The following PDS5A variants were observed in gnomAD, a reference collection of about 807,000 sequenced individuals.
PDS5A encodes sister chromatid cohesion protein PDS5 homolog A.
A neutral mutation model predicts 167.1 loss-of-function variants in PDS5A; 42 were observed. The ratio of observed to expected loss-of-function variants is 0.25; its 90% CI spans 0.20 to 0.33. The LOEUF is 0.33. Among genes scored for constraint, PDS5A ranks in the 10% least tolerant of loss-of-function variants. The pLI is 1.00. For missense variants in PDS5A, 1,033 were observed against 1,605.9 expected, an observed-to-expected ratio of 0.64 and a Z score of 6.10; for synonymous variants, 553 against 554.6, an observed-to-expected ratio of 1.00 and a Z score of 0.04.
rs1203614136 is a variant in PDS5A at position 39,823,136 on chromosome 4, A to G, written c.*2349T>C. On this transcript the variant is annotated 3_prime_UTR_variant, in exon 33 of 33. Coordinates refer to ENST00000303538, the MANE Select transcript of PDS5A (RefSeq NM_001100399.2). ...ACAAAGGGTTAACATTAATTCTCAA[A>G]TATAAGTCTGCACTTTTGTGTTGTA... 1.3e-5 allele frequency: 2 copies of G among 152,624 alleles called. 1 individual carries two copies. Among genetic ancestry groups the G allele is most frequent in the Non-Finnish European group, 2.9e-5 (2 of 68,052 alleles). 9.5% of individuals were successfully genotyped at this position (152,624 alleles called of 1,614,324 possible).
At chr4:39,927,833 A>G (rs1725603264) in intron 3 of PDS5A, 128 bp downstream of exon 3, 1 of 671,646 alleles carries the variant, frequency 1.5e-6, no homozygotes, top group Non-Finnish European at 2.5e-6. Flanking sequence ...TGCAACTTAC[A>G]ATATATTCTT....
intron 2 of PDS5A, among the ~76,000 whole-genome samples, chr4:39,931,335 TATGTAACA>T (rs922185371): frequency 3.3e-5 from 5 of 152,092 alleles, no homozygotes; most frequent in African/African-American, 1.2e-4. Context: ...TAATTATTGC[TATGTAACA>T]AAATACCCCA....
At chr4:39,901,976 T>C (rs1432652621) in intron 13 of PDS5A, among the ~76,000 whole-genome samples, 1 of 152,216 alleles carries the variant, frequency 6.6e-6, no homozygotes, top group African/African-American at 2.4e-5. Context: ...ATTAATCATA[T>C]GGCCATCTTA....
chr4:39,842,906 T>TA (rs1491449604), intron 30 of PDS5A, among the ~76,000 whole-genome samples: 6,687 of 76,262 alleles, frequency 0.088, 393 homozygotes, highest in South Asian at 0.15. Context: ...ACTTATCCTA[T>TA]TTTTATATAT....
intron 16 of PDS5A, among the ~76,000 whole-genome samples, chr4:39,896,079 G>T (rs557314581): frequency 1.4e-5 from 2 of 144,610 alleles, no homozygotes; most frequent in South Asian, 4.4e-4. Flanking sequence ...ATCTTGTTCT[G>T]TCACCCAGGC....
intron 2 of PDS5A, among the ~76,000 whole-genome samples, chr4:39,930,246 A>AAAAAAAAAAAAAAGTTTTTT: frequency 2.1e-5 from 2 of 93,090 alleles, no homozygotes; most frequent in Non-Finnish European, 4.5e-5. Flanking sequence ...AAAAAAAAAA[A>AAAAAAAAAAAAAAGTTTTTT]GTTTTTTTGT....
At chr4:39,921,801 T>C (rs1273615059) in intron 6 of PDS5A, among the ~76,000 whole-genome samples, 2 of 152,184 alleles carry the variant, frequency 1.3e-5, no homozygotes, top group Admixed American at 6.5e-5. Context: ...CCAAATATAC[T>C]GTCTTAATCT....
chr4:39,828,536 C>A (rs144563952), intron 32 of PDS5A, among the ~76,000 whole-genome samples: 1 of 152,150 alleles, frequency 6.6e-6, no homozygotes, highest in African/African-American at 2.4e-5. Context: ...GCTCTAGAAG[C>A]CTCACACATC....
chr4:39,962,063 GTTTT>G (rs113091640), intron 2 of PDS5A, among the ~76,000 whole-genome samples: 85 of 146,200 alleles, frequency 5.8e-4, no homozygotes, highest in African/African-American at 2.1e-3. Context: ...CTGAGTTTTT[GTTTT>G]TTTTTTTTGA....
intron 17 of PDS5A, among the ~76,000 whole-genome samples, chr4:39,889,190 A>G (rs1246409200): frequency 6.6e-6 from 1 of 152,232 alleles, no homozygotes; most frequent in East Asian, 1.9e-4. Flanking sequence ...AGAGATTAGG[A>G]CATAGACATG....
At chr4:39,910,659 G>C (rs971000922) in intron 9 of PDS5A, among the ~76,000 whole-genome samples, 1 of 152,156 alleles carries the variant, frequency 6.6e-6, no homozygotes, top group African/African-American at 2.4e-5. Context: ...ATGCTACAAA[G>C]TAAAAAATAT....
intron 2 of PDS5A, among the ~76,000 whole-genome samples, chr4:39,942,285 C>G (rs565066797): frequency 3.3e-5 from 5 of 152,164 alleles, no homozygotes; most frequent in African/African-American, 4.8e-5. Flanking sequence ...CCAAAAATAT[C>G]TTGAGCCTCT....
At chr4:39,948,238 G>C (rs1199115530) in intron 2 of PDS5A, among the ~76,000 whole-genome samples, 6 of 122,934 alleles carry the variant, frequency 4.9e-5, no homozygotes, top group African/African-American at 9.1e-5. Context: ...AAGAAAGAAA[G>C]AAAAAGAAAA....
At chr4:39,954,686 A>C (rs1331770793) in intron 2 of PDS5A, among the ~76,000 whole-genome samples, 6 of 151,282 alleles carry the variant, frequency 4.0e-5, no homozygotes, top group African/African-American at 1.5e-4. Flanking sequence ...AAAAAAAAAA[A>C]AAAAAAAAAA....
intron 26 of PDS5A, among the ~76,000 whole-genome samples, chr4:39,857,351 C>CAAA (rs1188060445): frequency 5.9e-5 from 4 of 67,742 alleles, no homozygotes; most frequent in African/African-American, 1.6e-4. Context: ...GACTCCATCT[C>CAAA]AAAAAAAAAA....
intron 17 of PDS5A, among the ~76,000 whole-genome samples, chr4:39,880,317 T>G (rs181122516): frequency 3.9e-5 from 6 of 152,272 alleles, no homozygotes; most frequent in Admixed American, 2.0e-4. Flanking sequence ...GGAAGCATCA[T>G]GCTGTATTTA....
At chr4:39,898,707 T>C in intron 15 of PDS5A, 70 bp downstream of exon 15, 1 of 991,556 alleles carries the variant, frequency 1.0e-6, no homozygotes, top group South Asian at 1.5e-5. Context: ...AAATCAGTAG[T>C]CCCACTGGGT....
intron 2 of PDS5A, among the ~76,000 whole-genome samples, chr4:39,947,374 C>T (rs1465070144): frequency 3.3e-5 from 5 of 151,936 alleles, no homozygotes; most frequent in African/African-American, 1.2e-4. Flanking sequence ...TAACTTGAAC[C>T]GGGAGGCGGA....
intron 17 of PDS5A, among the ~76,000 whole-genome samples, chr4:39,882,676 A>C (rs1464507862): frequency 6.6e-6 from 1 of 152,244 alleles, no homozygotes; most frequent in Non-Finnish European, 1.5e-5. Flanking sequence ...GAAATGAGAG[A>C]CATAATCTCT....
Sources: allele counts gnomAD v4.1 joint callset (sites outside exome capture counted in the v4.1 genomes callset), GRCh38; gene constraint gnomAD v4.1.1; transcripts MANE v1.5; gene names NCBI Gene and HGNC (gene_info 2026-07-23, HGNC 2026-07-21).